Variants in PRPH2 observed in about 807,000 individuals in gnomAD.
PRPH2 encodes the protein peripherin-2.
PRPH2 carries 17 observed loss-of-function variants against 31.3 expected under a neutral mutation model. The ratio of observed to expected loss-of-function variants is 0.54; its 90% CI spans 0.37 to 0.81. The LOEUF is 0.81. Among genes scored for constraint, PRPH2 ranks in the 40% least tolerant of loss-of-function variants. PRPH2 has a pLI of 0.00. For missense variants in PRPH2, 430 were observed against 439.7 expected, an observed-to-expected ratio of 0.98 and a Z score of 0.20; for synonymous variants, 165 against 184.4, an observed-to-expected ratio of 0.89 and a Z score of 0.85.
chr6:42,714,654 C>G (rs1757683137), intron 1 of PRPH2, among the ~76,000 whole-genome samples: 1 of 152,060 alleles, frequency 6.6e-6, no homozygotes, highest in South Asian at 2.1e-4. Context: ...GTAGCTGAGA[C>G]TATAGGCACA....
chr6:42,712,361 C>T (rs1479468439), intron 1 of PRPH2, among the ~76,000 whole-genome samples: 2 of 152,098 alleles, frequency 1.3e-5, no homozygotes. Context: ...TTGATATTGC[C>T]ATTAAATCTG....
intron 1 of PRPH2, among the ~76,000 whole-genome samples, chr6:42,709,093 G>A (rs1451362506): frequency 3.3e-5 from 5 of 152,098 alleles, no homozygotes; most frequent in African/African-American, 9.7e-5. Flanking sequence ...CACTTTGGGA[G>A]GCTGAGGTGG....
chr6:42,715,508 T>C (rs918809819), intron 1 of PRPH2, among the ~76,000 whole-genome samples: 5 of 151,846 alleles, frequency 3.3e-5, no homozygotes, highest in African/African-American at 1.2e-4. Flanking sequence ...CCGTCTCTAC[T>C]AAAAATACAA....
Position 42,719,065 on chromosome 6 carries a change from G to A in PRPH2, c.581+2689C>T, listed in dbSNP as rs148449336. 5.5e-4 allele frequency among the ~76,000 whole-genome samples: 83 copies of A among 152,262 alleles called. 1 individual carries two copies. In the East Asian group the frequency reaches 9.5e-3, roughly 17 times the overall value. On this transcript the variant is annotated intron_variant, in intron 1 of 2. Transcript: ENST00000230381. Reference sequence around the variant, plus strand: ...GGGAAATAAAAGACAGAGACAGAGAGAAGCAAAATGCTCAAAGATGCCCAT... The same window carrying A: ...GGGAAATAAAAGACAGAGACAGAGAAAAGCAAAATGCTCAAAGATGCCCAT...
At chr6:42,716,619 T>G (rs7757333) in intron 1 of PRPH2, among the ~76,000 whole-genome samples, 2,905 of 39,534 alleles carry the variant, frequency 0.073, 97 homozygotes, top group African/African-American at 0.12. Flanking sequence ...TTGGTTTTTT[T>G]TTTTTTTTTT....
intron 1 of PRPH2, among the ~76,000 whole-genome samples, chr6:42,713,622 A>C (rs1230989264): frequency 6.6e-6 from 1 of 152,050 alleles, no homozygotes; most frequent in African/African-American, 2.4e-5. Flanking sequence ...GAAATGGAGA[A>C]GAAGAAGACA....
At chr6:42,717,428 G>A (rs1761809289) in intron 1 of PRPH2, among the ~76,000 whole-genome samples, 1 of 151,758 alleles carries the variant, frequency 6.6e-6, no homozygotes, top group South Asian at 2.1e-4. Context: ...GATCTTGGTG[G>A]ATGATAACCT....
intron 1 of PRPH2, among the ~76,000 whole-genome samples, chr6:42,705,583 AAAAAAAAAAAAAAAAAAT>A (rs1247420013): frequency 8.5e-5 from 5 of 59,134 alleles, no homozygotes; most frequent in East Asian, 7.6e-4. Context: ...CTAAAAAAAA[AAAAAAAAAAAAAAAAAAT>A]ATATATATAT....
chr6:42,698,192 C>G lies in PRPH2; in HGVS notation c.*103G>C, dbSNP rs1799979959. 1 of 1,505,850 alleles carries G rather than the reference C, an allele frequency of 6.6e-7. No homozygotes were observed. Among genetic ancestry groups the G allele is most frequent in the Non-Finnish European group, 9.1e-7 (1 of 1,101,080 alleles). 93.3% of individuals were successfully genotyped at this position (1,505,850 alleles called of 1,614,324 possible). On this transcript the variant is annotated 3_prime_UTR_variant, in exon 3 of 3. Transcript: ENST00000230381. ...GGGAGAGTCTCTGTAAGATGGTGCC[C>G]TCCTTGGGAGATTCAGACTTTCGGA...
intron 1 of PRPH2, among the ~76,000 whole-genome samples, chr6:42,718,508 C>A (rs1445569196): frequency 6.6e-6 from 1 of 151,986 alleles, no homozygotes; most frequent in Admixed American, 6.6e-5. Context: ...AAATAAAAGT[C>A]TGTGGGAAAG....
chr6:42,705,380 G>C (rs1310845217), intron 1 of PRPH2, among the ~76,000 whole-genome samples: 7 of 151,432 alleles, frequency 4.6e-5, no homozygotes, highest in Non-Finnish European at 1.0e-4. Context: ...GCCTGGGGGT[G>C]ATTACCCAGG....
intron 1 of PRPH2, among the ~76,000 whole-genome samples, chr6:42,706,411 A>C (rs1407211344): frequency 6.6e-6 from 1 of 151,606 alleles, no homozygotes; most frequent in Non-Finnish European, 1.5e-5. Context: ...TCTCAAAAAA[A>C]ATAAAAATAA....
At chr6:42,707,114 G>C (rs1341366434) in intron 1 of PRPH2, among the ~76,000 whole-genome samples, 2 of 151,816 alleles carry the variant, frequency 1.3e-5, no homozygotes, top group South Asian at 2.1e-4. Flanking sequence ...TGGCCAGGCT[G>C]CTCTGGAACT....
intron 1 of PRPH2, among the ~76,000 whole-genome samples, chr6:42,706,973 ATC>A (rs1386568058): frequency 5.9e-5 from 7 of 119,070 alleles, no homozygotes; most frequent in Admixed American, 8.8e-5. Flanking sequence ...TATCTTGGAG[ATC>A]TTTTTTTTTT....
At chr6:42,698,651 CCCA>C in intron 2 of PRPH2, 144 bp from the exon 3 acceptor site, 1 of 1,148,642 alleles carries the variant, frequency 8.7e-7, no homozygotes, top group South Asian at 1.3e-5. Flanking sequence ...GACAGCCTGC[CCCA>C]CGCTGCCCTG....
At chr6:42,721,313 G>A (rs1486054996) in intron 1 of PRPH2, among the ~76,000 whole-genome samples, 2 of 152,110 alleles carry the variant, frequency 1.3e-5, no homozygotes, top group African/African-American at 4.8e-5. Flanking sequence ...GGAAAACAAG[G>A]GAACTAACTA....
Position 42,721,794 on chromosome 6 carries a change from T to A in PRPH2, c.541A>T (p.Ser181Cys), listed in dbSNP as rs1465783712. 2.4e-5 allele frequency: 39 copies of A among 1,614,122 alleles called. No homozygotes were observed. In the Admixed American group the frequency reaches 6.5e-4, roughly 27 times the overall value. The change falls in exon 1 of 3, where the codon AGC becomes TGC. Residue 181 changes from serine (S) to cysteine (C), a missense_variant. Physicochemically the swap from Ser to Cys is moderately radical, Grantham distance 112. Coordinates refer to ENST00000230381, the MANE Select transcript of PRPH2 (RefSeq NM_000322.5). Reference protein sequence around the residue: ...FRDWFEIQWISNRYLDFSSKE... With the variant: ...FRDWFEIQWICNRYLDFSSKE... ...GAGGAAAAGTCCAGGTAGCGATTGC[T>A]GATCCACTGAATCTCAAACCAGTCC...
At chr6:42,705,599 A>AATATATATATATATATAT (rs1194169404) in intron 1 of PRPH2, among the ~76,000 whole-genome samples, 123 of 20,800 alleles carry the variant, frequency 5.9e-3, no homozygotes, top group South Asian at 6.8e-3. Flanking sequence ...AAAAAAAAAA[A>AATATATATATATATATAT]ATATATATAT....
chr6:42,706,321 C>T (rs920830624), intron 1 of PRPH2, among the ~76,000 whole-genome samples: 3 of 151,960 alleles, frequency 2.0e-5, no homozygotes, highest in Non-Finnish European at 2.9e-5. Flanking sequence ...AGGAGAATGG[C>T]GTGAACCCAG....
Sources: allele counts gnomAD v4.1 joint callset (sites outside exome capture counted in the v4.1 genomes callset), GRCh38; gene constraint gnomAD v4.1.1; transcripts MANE v1.5; gene names NCBI Gene and HGNC (gene_info 2026-07-23, HGNC 2026-07-21).